PCDHA1: variants seen among roughly 807,000 people sequenced by gnomAD.
PCDHA1 encodes protocadherin alpha 1.
PCDHA1 carries 42 observed loss-of-function variants against 61.3 expected under a neutral mutation model. The observed-to-expected ratio is 0.69, with a 90% confidence interval of 0.54 to 0.89. The LOEUF (loss-of-function observed/expected upper bound fraction) is 0.89. PCDHA1 is among the 40% of genes least tolerant of loss of function. PCDHA1 has a pLI of 0.00. For synonymous variants in PCDHA1, 610 were observed against 553.8 expected (o/e 1.10, Z -1.43); for missense variants, 1,256 against 1,235.3 (o/e 1.02, Z -0.25).
At chr5:140,792,182 CT>C (rs1761698312) in intron 1 of PCDHA1, among the ~76,000 whole-genome samples, 1 of 152,060 alleles carries the variant, frequency 6.6e-6, no homozygotes, top group Admixed American at 6.5e-5. Context: ...CTTGGCATTG[CT>C]TGGCTTGTGG....
At chr5:140,928,508 T>G in intron 1 of PCDHA1, 1 of 1,614,174 alleles carries the variant, frequency 6.2e-7, no homozygotes, top group Non-Finnish European at 8.5e-7. Flanking sequence ...AGTGCAACAG[T>G]GACTATAAAC....
intron 1 of PCDHA1, chr5:140,801,855 C>T (rs782570230): frequency 3.7e-6 from 6 of 1,613,936 alleles, no homozygotes; most frequent in Non-Finnish European, 5.1e-6. Context: ...TGGTGGGAAA[C>T]CAGAGCTCAC....
chr5:140,884,305 G>A (rs1223534357), intron 1 of PCDHA1: 2 of 1,613,602 alleles, frequency 1.2e-6, no homozygotes, highest in Non-Finnish European at 1.7e-6. Context: ...CACAGGCTTC[G>A]TCGAGGGCGT....
At chr5:140,829,695 T>C in intron 1 of PCDHA1, 1 of 1,613,284 alleles carries the variant, frequency 6.2e-7, no homozygotes, top group Non-Finnish European at 8.5e-7. Context: ...CAGTTTCAGG[T>C]GAGCGCGCGC....
chr5:140,852,930 G>A (rs1581296305), intron 1 of PCDHA1: 1 of 621,568 alleles, frequency 1.6e-6, no homozygotes, highest in East Asian at 1.3e-4. Context: ...CCAGGCTGGA[G>A]TGCAGTGGTG....
chr5:141,009,132 G>A (rs2098400947), intron 3 of PCDHA1, among the ~76,000 whole-genome samples: 1 of 152,204 alleles, frequency 6.6e-6, no homozygotes, highest in African/African-American at 2.4e-5. Flanking sequence ...GTATCCTGGT[G>A]AAAAAACCTG....
chr5:140,808,145 G>A, intron 1 of PCDHA1: 1 of 1,614,118 alleles, frequency 6.2e-7, no homozygotes, highest in African/African-American at 1.3e-5. Flanking sequence ...TGAAATTATT[G>A]TAGAGGGCAT....
intron 3 of PCDHA1, among the ~76,000 whole-genome samples, chr5:140,993,468 A>T (rs1327306188): frequency 7.2e-5 from 5 of 69,412 alleles, no homozygotes; most frequent in Non-Finnish European, 1.2e-4. Flanking sequence ...TTTCTCACAC[A>T]CACACACACA....
chr5:140,994,483 G>A (rs1356969213), intron 3 of PCDHA1, among the ~76,000 whole-genome samples: 1 of 152,062 alleles, frequency 6.6e-6, no homozygotes, highest in East Asian at 1.9e-4. Context: ...CGGGTGGATT[G>A]CCTGAACCCA....
chr5:140,986,625 C>T (rs1312536887), intron 3 of PCDHA1, among the ~76,000 whole-genome samples: 2 of 152,122 alleles, frequency 1.3e-5, no homozygotes, highest in African/African-American at 4.8e-5. Flanking sequence ...TTACCTAAGG[C>T]AACAGTACAT....
At chr5:140,829,650 T>C (rs2150172095) in intron 1 of PCDHA1, 3 of 1,612,396 alleles carry the variant, frequency 1.9e-6, no homozygotes, top group Non-Finnish European at 1.7e-6. Context: ...GTGTACGCGC[T>C]GCAGCCGCTG....
intron 1 of PCDHA1, among the ~76,000 whole-genome samples, chr5:140,977,658 T>C (rs1332848343): frequency 6.6e-6 from 1 of 152,192 alleles, no homozygotes; most frequent in African/African-American, 2.4e-5. Context: ...TTTGGCTAAT[T>C]CTCTGCATGC....
At chr5:140,917,278 C>T (rs188364646) in intron 1 of PCDHA1, among the ~76,000 whole-genome samples, 198 of 143,570 alleles carry the variant, frequency 1.4e-3, no homozygotes, top group South Asian at 9.8e-3. Flanking sequence ...TTTGTAATGA[C>T]GCTTTTCCGT....
intron 1 of PCDHA1, chr5:140,796,734 G>T: frequency 1.2e-6 from 2 of 1,614,098 alleles, no homozygotes; most frequent in Middle Eastern, 1.6e-4. Context: ...CAGGGCACGT[G>T]GTGGCGAAGG....
At chr5:140,977,094 T>C (rs1291290436) in intron 1 of PCDHA1, among the ~76,000 whole-genome samples, 1 of 152,206 alleles carries the variant, frequency 6.6e-6, no homozygotes, top group Non-Finnish European at 1.5e-5. Context: ...AATGTGTCAT[T>C]GGGGAAGTGA....
chr5:140,958,077 A>G (rs2095408004), intron 1 of PCDHA1, among the ~76,000 whole-genome samples: 2 of 152,124 alleles, frequency 1.3e-5, no homozygotes, highest in South Asian at 4.1e-4. Flanking sequence ...AGAAGCAAAA[A>G]GTAAAGTTGT....
chr5:140,851,165 G>T, intron 1 of PCDHA1: 1 of 1,284,508 alleles, frequency 7.8e-7, no homozygotes, highest in Non-Finnish European at 1.0e-6. Flanking sequence ...ATGCTATGCT[G>T]CCATAACACT....
intron 2 of PCDHA1, among the ~76,000 whole-genome samples, chr5:140,981,395 G>A (rs928966988): frequency 5.2e-4 from 79 of 152,210 alleles, no homozygotes; most frequent in African/African-American, 1.9e-3. Context: ...TCAATATGGT[G>A]AAAACCTGTC....
At chr5:140,871,289 G>A (rs955449203) in intron 1 of PCDHA1, 1 of 1,613,792 alleles carries the variant, frequency 6.2e-7, no homozygotes, top group African/African-American at 1.3e-5. Context: ...CCCACTGAGG[G>A]CGCGTGCGCG....
Sources: allele counts gnomAD v4.1 joint callset (sites outside exome capture counted in the v4.1 genomes callset), GRCh38; gene constraint gnomAD v4.1.1; transcripts MANE v1.5; gene names NCBI Gene and HGNC (gene_info 2026-07-23, HGNC 2026-07-21).